Variants in CAMK1D observed in about 807,000 individuals in gnomAD.
The protein encoded by CAMK1D is calcium/calmodulin dependent protein kinase ID.
A neutral mutation model predicts 47.7 loss-of-function variants in CAMK1D; 9 were observed. The observed-to-expected ratio is 0.19, with a 90% CI of 0.11 to 0.33. The LOEUF (loss-of-function observed/expected upper bound fraction) is 0.33, where lower values mean the gene tolerates loss of function less well. CAMK1D is among the 10% of genes least tolerant of loss of function. The probability of loss-of-function intolerance (pLI) is 1.00; values close to 1 mark genes in which losing one functional copy is unlikely to be tolerated. For missense variants in CAMK1D, 291 were observed against 488.7 expected, an observed-to-expected ratio of 0.60 and a Z score of 3.81; for synonymous variants, 184 against 184.9, an observed-to-expected ratio of 0.99 and a Z score of 0.04.
chr10:12,350,966 G>A (rs1837337940), intron 1 of CAMK1D, among the ~76,000 whole-genome samples: 1 of 152,196 alleles, frequency 6.6e-6, no homozygotes, highest in Non-Finnish European at 1.5e-5. Flanking sequence ...ATAAATCAGT[G>A]CGTTGTTGGG....
chr10:12,434,036 T>C (rs552153052), intron 1 of CAMK1D, among the ~76,000 whole-genome samples: 24 of 152,246 alleles, frequency 1.6e-4, no homozygotes, highest in Admixed American at 5.9e-4. Flanking sequence ...GGTGGTGTGA[T>C]CATACCTCAC....
chr10:12,606,859 C>T (rs1206344216), intron 2 of CAMK1D, among the ~76,000 whole-genome samples: 2 of 151,896 alleles, frequency 1.3e-5, no homozygotes, highest in Non-Finnish European at 2.9e-5. Flanking sequence ...GATGGAGTCT[C>T]GCTCTGTCAC....
At chr10:12,566,596 GTGCAGAGAGGTAAAGTGAT>G (rs1271342653) in intron 2 of CAMK1D, among the ~76,000 whole-genome samples, 1 of 152,218 alleles carries the variant, frequency 6.6e-6, no homozygotes, top group African/African-American at 2.4e-5. Context: ...GAGGAAAGGG[GTGCAGAGAGGTAAAGTGAT>G]TGCCCGAGGT....
chr10:12,541,606 G>A (rs185352774), intron 1 of CAMK1D, among the ~76,000 whole-genome samples: 4 of 152,044 alleles, frequency 2.6e-5, no homozygotes, highest in Non-Finnish European at 4.4e-5. Flanking sequence ...TGATTCACCC[G>A]CCTTGGCCCC....
chr10:12,703,420 A>G (rs935218925), intron 3 of CAMK1D, among the ~76,000 whole-genome samples: 2 of 152,222 alleles, frequency 1.3e-5, no homozygotes, highest in African/African-American at 4.8e-5. Flanking sequence ...ATGGGAGTCC[A>G]GTCCCACAGC....
chr10:12,421,938 T>G (rs1043223529), intron 1 of CAMK1D, among the ~76,000 whole-genome samples: 1 of 152,054 alleles, frequency 6.6e-6, no homozygotes, highest in Non-Finnish European at 1.5e-5. Context: ...CGCCTCAGCC[T>G]CCCGAGTAGC....
At chr10:12,595,323 C>T (rs893340264) in intron 2 of CAMK1D, among the ~76,000 whole-genome samples, 2 of 74,424 alleles carry the variant, frequency 2.7e-5, no homozygotes, top group Non-Finnish European at 4.9e-5. Context: ...GCCTGGGCAA[C>T]AAGAGTGAAA....
At chr10:12,613,781 G>C (rs938407165) in intron 2 of CAMK1D, among the ~76,000 whole-genome samples, 8 of 152,206 alleles carry the variant, frequency 5.3e-5, no homozygotes, top group African/African-American at 1.9e-4. Context: ...CCCGGCCTAG[G>C]ATTACATTTC....
At chr10:12,386,279 A>T (rs1290710894) in intron 1 of CAMK1D, among the ~76,000 whole-genome samples, 1 of 152,146 alleles carries the variant, frequency 6.6e-6, no homozygotes, top group Non-Finnish European at 1.5e-5. Flanking sequence ...TCTCTACAAG[A>T]AATACAAAAA....
chr10:12,755,897 T>C (rs1156467077), intron 3 of CAMK1D, among the ~76,000 whole-genome samples: 1 of 152,162 alleles, frequency 6.6e-6, no homozygotes, highest in Non-Finnish European at 1.5e-5. Context: ...AGAAAACACA[T>C]TTATAACCAG....
At chr10:12,794,836 T>G (rs1057273678) in intron 6 of CAMK1D, among the ~76,000 whole-genome samples, 7 of 152,174 alleles carry the variant, frequency 4.6e-5, no homozygotes, top group African/African-American at 1.7e-4. Context: ...TGGGTATGAT[T>G]GACCATATAA....
At chr10:12,643,571 T>A (rs1333150939) in intron 2 of CAMK1D, among the ~76,000 whole-genome samples, 3 of 152,116 alleles carry the variant, frequency 2.0e-5, no homozygotes, top group African/African-American at 7.2e-5. Context: ...GGATCTAGGT[T>A]GTGTGCTCCT....
intron 1 of CAMK1D, among the ~76,000 whole-genome samples, chr10:12,468,453 A>G (rs1177429464): frequency 6.6e-6 from 1 of 152,214 alleles, no homozygotes; most frequent in Admixed American, 6.5e-5. Context: ...CGGAGGTGGA[A>G]CTAGAACTTT....
At chr10:12,809,156 C>T (rs1226106256) in intron 6 of CAMK1D, among the ~76,000 whole-genome samples, 13 of 151,892 alleles carry the variant, frequency 8.6e-5, no homozygotes. Flanking sequence ...TTTTAAAAAT[C>T]ACTGCCTGAT....
chr10:12,651,061 C>A (rs117268142), intron 2 of CAMK1D, among the ~76,000 whole-genome samples: 1 of 152,152 alleles, frequency 6.6e-6, no homozygotes, highest in South Asian at 2.1e-4. Flanking sequence ...CGGCTTTTTA[C>A]GATTTACGGC....
At chr10:12,510,206 G>C (rs1452678446) in intron 1 of CAMK1D, among the ~76,000 whole-genome samples, 1 of 152,182 alleles carries the variant, frequency 6.6e-6, no homozygotes, top group Non-Finnish European at 1.5e-5. Flanking sequence ...TTTGAGACCA[G>C]GAGTTCAAGA....
intron 2 of CAMK1D, among the ~76,000 whole-genome samples, chr10:12,567,794 A>G (rs529528212): frequency 5.3e-5 from 8 of 152,214 alleles, no homozygotes; most frequent in African/African-American, 9.7e-5. Context: ...CACTTGGTAC[A>G]GCAACGGGGT....
At chr10:12,409,294 T>C (rs1457392265) in intron 1 of CAMK1D, among the ~76,000 whole-genome samples, 6 of 151,604 alleles carry the variant, frequency 4.0e-5, no homozygotes, top group Admixed American at 3.9e-4. Flanking sequence ...GCGCCTACAC[T>C]CATGATTGGG....
intron 1 of CAMK1D, among the ~76,000 whole-genome samples, chr10:12,491,631 A>C (rs1227888366): frequency 6.6e-6 from 1 of 152,064 alleles, no homozygotes; most frequent in African/African-American, 2.4e-5. Context: ...TGAAGCGGTG[A>C]AACACCTCCC....
Sources: gnomAD v4.1 joint callset for allele counts (sites outside exome capture counted in the v4.1 genomes callset) on GRCh38, gnomAD v4.1.1 for gene constraint, MANE v1.5 for transcripts, NCBI Gene and HGNC (gene_info 2026-07-23, HGNC 2026-07-21) for gene names.